The following PCNX1 variants were observed in gnomAD, a reference collection of about 807,000 sequenced individuals.
PCNX1 encodes the protein pecanex 1, also known as pecanex-like protein 1.
PCNX1 carries 78 observed loss-of-function variants against 242.2 expected under a neutral mutation model. The observed-to-expected ratio is 0.32, with a 90% CI of 0.27 to 0.39. The LOEUF is 0.39. Ranked by LOEUF, PCNX1 falls within the 10% of genes least tolerant of loss-of-function variation. The pLI is 1.00. For synonymous variants in PCNX1, 1,024 were observed against 1,032.9 expected (o/e 0.99, Z 0.17); for missense variants, 2,581 against 2,856.5 (o/e 0.90, Z 2.20).
At chr14:71,077,182 A>T (rs1164213438) in intron 28 of PCNX1, among the ~76,000 whole-genome samples, 1 of 152,186 alleles carries the variant, frequency 6.6e-6, no homozygotes, top group African/African-American at 2.4e-5. Context: ...AAGATGAGTT[A>T]GGGACTTCAG....
chr14:70,910,224 C>G (rs1450470646), intron 1 of PCNX1, among the ~76,000 whole-genome samples: 1 of 82,416 alleles, frequency 1.2e-5, no homozygotes, highest in Non-Finnish European at 2.7e-5. Context: ...TCCTCCTCCT[C>G]CTCCTCTCAC....
chr14:71,077,825 T>C (rs1367891524), intron 28 of PCNX1, among the ~76,000 whole-genome samples: 1 of 152,178 alleles, frequency 6.6e-6, no homozygotes, highest in Non-Finnish European at 1.5e-5. Flanking sequence ...TGAACTGACT[T>C]TTGTTGGGGA....
At chr14:71,056,645 T>C (rs2061189060) in intron 25 of PCNX1, among the ~76,000 whole-genome samples, 1 of 152,104 alleles carries the variant, frequency 6.6e-6, no homozygotes, top group African/African-American at 2.4e-5. Flanking sequence ...TCATGTAATT[T>C]ATTAAGTGAT....
At chr14:70,929,011 A>T (rs796438596) in intron 1 of PCNX1, among the ~76,000 whole-genome samples, 22 of 152,172 alleles carry the variant, frequency 1.4e-4, no homozygotes, top group African/African-American at 4.8e-4. Context: ...GTGAATCACC[A>T]TTTCTATCTA....
At position 70,977,194 on chromosome 14, in the gene PCNX1, C is replaced by T; in HGVS notation, c.857C>T (p.Thr286Ile). Reference sequence around the variant, plus strand: ...CACCGGCCGCGAGGTGTACCACGGACTTCTAGCTCTGCTGTGGCTTTTCCA... The same window carrying T: ...CACCGGCCGCGAGGTGTACCACGGATTTCTAGCTCTGCTGTGGCTTTTCCA... ...KDHRPRGVPRTSSSAVAFPDT... is the reference protein window; with the variant it reads ...KDHRPRGVPRISSSAVAFPDT... Residue 286 changes from threonine (T) to isoleucine (I), a missense_variant, in exon 6 of 36, where the codon ACT (threonine) becomes ATT (isoleucine). Thr to Ile is a moderately conservative substitution (Grantham distance 89). Coordinates refer to ENST00000304743, the MANE Select transcript of PCNX1 (RefSeq NM_014982.3). 6.2e-7 allele frequency: 1 copy of T among 1,614,236 alleles called. No homozygotes were observed. Among genetic ancestry groups the T allele is most frequent in the Non-Finnish European group, 8.5e-7 (1 of 1,180,036 alleles).
chr14:70,907,983 C>A lies in PCNX1; in HGVS notation c.133C>A (p.Leu45Met). The A allele has an allele frequency of 6.3e-7, 1 of 1,598,232 alleles. No individual in the cohort carries two copies. The highest frequency in any genetic ancestry group is 1.1e-5 in the South Asian group (1 of 89,546). The change falls in exon 1 of 36, where the codon CTG (leucine) becomes ATG (methionine). Residue 45 changes from leucine (L) to methionine (M), a missense_variant. By Grantham distance (15) the Leu-to-Met change is conservative. Coordinates refer to ENST00000304743, the MANE Select transcript of PCNX1 (RefSeq NM_014982.3). ...CTACCTGTGGCTCTTTCTGCTGGGC[C>A]TGCCCTTCACCCTCTACATGGTGAG... Reference protein sequence around the residue: ...HLYLWLFLLGLPFTLYMALPS... With the variant: ...HLYLWLFLLGMPFTLYMALPS...
intron 1 of PCNX1, among the ~76,000 whole-genome samples, chr14:70,937,661 A>G (rs902266411): frequency 5.3e-5 from 8 of 151,984 alleles, no homozygotes; most frequent in African/African-American, 1.9e-4. Flanking sequence ...TTTTTTTCCA[A>G]TCTGTGAAGA....
intron 1 of PCNX1, among the ~76,000 whole-genome samples, chr14:70,941,073 C>A (rs568683322): frequency 6.6e-6 from 1 of 152,244 alleles, no homozygotes; most frequent in East Asian, 1.9e-4. Flanking sequence ...GTTCGAACAT[C>A]CTCCTTTAGC....
At chr14:70,960,449 T>C (rs1182083869) in intron 2 of PCNX1, among the ~76,000 whole-genome samples, 1 of 152,184 alleles carries the variant, frequency 6.6e-6, no homozygotes, top group Non-Finnish European at 1.5e-5. Flanking sequence ...AGAAAAGGCC[T>C]TTGACAAAAT....
intron 26 of PCNX1, among the ~76,000 whole-genome samples, chr14:71,067,007 C>G (rs926237439): frequency 6.6e-6 from 1 of 151,890 alleles, no homozygotes; most frequent in East Asian, 1.9e-4. Context: ...TGGATTCTGT[C>G]TGCCAGTATC....
intron 8 of PCNX1, among the ~76,000 whole-genome samples, chr14:71,004,378 G>A (rs1595205589): frequency 1.3e-5 from 2 of 152,218 alleles, no homozygotes; most frequent in Non-Finnish European, 1.5e-5. Context: ...CAGGGTGTGC[G>A]GAGCGAGCAT....
In PCNX1 at chr14:71,036,249, G is replaced by A. The variant is rs1055655421; in HGVS notation, c.3867+92G>A. On this transcript the variant is annotated intron_variant, in intron 19 of 35. Coordinates refer to ENST00000304743, the MANE Select transcript of PCNX1 (RefSeq NM_014982.3). ...GCTGGAGTGCAGTGTTGCGATCACA[G>A]TTCATTCTAACCTTGAATCCCTGGG... The A allele has an allele frequency of 5.0e-6, 4 of 807,192 alleles. No individual in the cohort carries two copies. The South Asian group carries it at 6.1e-5, about 12-fold the overall frequency. The allele number at this position is 807,192 out of a possible 1,614,324, so 50.0% of individuals were successfully genotyped here.
At chr14:70,952,332 A>G (rs1364637238) in intron 2 of PCNX1, among the ~76,000 whole-genome samples, 2 of 152,188 alleles carry the variant, frequency 1.3e-5, no homozygotes, top group Admixed American at 6.5e-5. Context: ...TGACTACTTC[A>G]TTACCTACCA....
rs2060524583 is a variant in PCNX1, at chr14:71,036,099, T to C, written c.3809T>C (p.Ile1270Thr). The change falls in exon 19 of 36, where the codon ATT (isoleucine) becomes ACT (threonine). Residue 1270 changes from isoleucine (I) to threonine (T), a missense_variant. Around this residue, in one of 9 missense-constraint regions of PCNX1, gnomAD observed 432 missense variants for 443.1 expected, o/e 0.97. Coordinates refer to ENST00000304743, the MANE Select transcript of PCNX1 (RefSeq NM_014982.3). The part of the protein sequence containing the change: ...ERLQSDLVVC[I>T]VIGVLYFAIH... The stretch of plus-strand genomic sequence containing the variant: ...TTACAGTCTGACCTGGTAGTATGCA[T>C]TGTAATTGGTGTGCTGTATTTTGCT... The C allele has an allele frequency of 6.2e-7, 1 of 1,609,108 alleles. No individual in the cohort carries two copies. Among genetic ancestry groups the C allele is most frequent in the Non-Finnish European group, 8.5e-7 (1 of 1,175,420 alleles).
chr14:71,097,635 G>A (rs1262760307), intron 30 of PCNX1, among the ~76,000 whole-genome samples: 3 of 151,984 alleles, frequency 2.0e-5, no homozygotes, highest in Non-Finnish European at 4.4e-5. Context: ...TTTTTAATGG[G>A]GTTGTTTTTT....
intron 3 of PCNX1, among the ~76,000 whole-genome samples, chr14:70,963,340 T>G (rs183273576): frequency 8.6e-4 from 131 of 152,358 alleles, no homozygotes; most frequent in African/African-American, 3.0e-3. Flanking sequence ...TCCTCTTTTT[T>G]TCTTCTGTCT....
Position 71,073,525 on chromosome 14 carries a change from G to GCTCT in PCNX1, c.4853-7_4853-4dup, listed in dbSNP as rs71305844. On this transcript the variant is annotated intron_variant, in intron 26 of 35. Transcript: ENST00000304743. Reference sequence around the variant, plus strand: ...CTTTCTGGTTTTCCCCCTTTGTAAAGCTCTCTCTCTCTCTCTAAGGTACCT... The same window carrying GCTCT: ...CTTTCTGGTTTTCCCCCTTTGTAAAGCTCTCTCTCTCTCTCTCTCTAAGGTACCT... The GCTCT allele has an allele frequency of 5.9e-5, 90 of 1,523,022 alleles. No individual in the cohort carries two copies. The highest frequency in any genetic ancestry group is 3.1e-4 in the South Asian group (25 of 81,094). The allele number at this position is 1,523,022 out of a possible 1,614,324, so 94.3% of individuals were successfully genotyped here. A position where few individuals can be genotyped will look rare whatever the true frequency, so the allele number is the denominator to read the frequency against.
At chr14:71,079,226 C>T (rs2061790815) in intron 28 of PCNX1, among the ~76,000 whole-genome samples, 1 of 151,962 alleles carries the variant, frequency 6.6e-6, no homozygotes, top group South Asian at 2.1e-4. Flanking sequence ...ATATGTGTCA[C>T]ATTTTATCTA....
rs1043199238 is a variant in PCNX1 at position 71,115,026 on chromosome 14, A to G, written c.*5091A>G. ...AAAAGTAAAATGTAAAAACTGATTA[A>G]ACCTATACAAGTCTGGCAATGAGCT... On this transcript the variant is annotated 3_prime_UTR_variant, in exon 36 of 36. Coordinates refer to ENST00000304743, the MANE Select transcript of PCNX1 (RefSeq NM_014982.3). 2 of 152,134 alleles carry G rather than the reference A, an allele frequency of 1.3e-5. No individual in the cohort carries two copies. Among genetic ancestry groups the G allele is most frequent in the Non-Finnish European group, 2.9e-5 (2 of 67,982 alleles). 9.4% of individuals were successfully genotyped at this position (152,134 alleles called of 1,614,324 possible).
Sources: gnomAD v4.1 joint callset for allele counts (sites outside exome capture counted in the v4.1 genomes callset) on GRCh38, gnomAD v4.1.1 for gene constraint, gnomAD v4.1.1 regional missense constraint, MANE v1.5 for transcripts, NCBI Gene and HGNC (gene_info 2026-07-23, HGNC 2026-07-21) for gene names.